Variants in DLG2 observed in about 807,000 individuals in gnomAD.
DLG2 encodes disks large homolog 2.
DLG2 carries 45 observed loss-of-function variants against 132.5 expected under a neutral mutation model. The ratio of observed to expected loss-of-function variants is 0.34; its 90% CI spans 0.27 to 0.44. The LOEUF is 0.44. Among genes scored for constraint, DLG2 ranks in the 20% least tolerant of loss-of-function variants. The pLI, the probability that DLG2 is intolerant of heterozygous loss-of-function variation, is 1.00. For missense variants in DLG2, 1,045 were observed against 1,196.9 expected, an observed-to-expected ratio of 0.87 and a Z score of 1.87; for synonymous variants, 424 against 419.6, an observed-to-expected ratio of 1.01 and a Z score of -0.13.
chr11:84,854,166 C>T (rs943031086), intron 6 of DLG2, among the ~76,000 whole-genome samples: 7 of 151,966 alleles, frequency 4.6e-5, no homozygotes, highest in Admixed American at 1.3e-4. Context: ...AACAACCATC[C>T]ACAAACAATG....
At chr11:84,880,746 G>A (rs1378479854) in intron 6 of DLG2, among the ~76,000 whole-genome samples, 1 of 152,112 alleles carries the variant, frequency 6.6e-6, no homozygotes, top group Non-Finnish European at 1.5e-5. Flanking sequence ...ATAGTCAACT[G>A]TGTTCAGAAT....
intron 8 of DLG2, among the ~76,000 whole-genome samples, chr11:84,220,783 T>TC (rs1462824980): frequency 7.6e-6 from 1 of 132,436 alleles, no homozygotes; most frequent in African/African-American, 2.8e-5. Flanking sequence ...TTCTTTTCTT[T>TC]TTTTTTTTTT....
intron 18 of DLG2, among the ~76,000 whole-genome samples, chr11:83,665,861 T>C (rs768085579): frequency 3.3e-5 from 5 of 152,140 alleles, no homozygotes; most frequent in Non-Finnish European, 7.3e-5. Flanking sequence ...CTATCAGCTG[T>C]AGCAGTTAGG....
chr11:84,193,498 A>G (rs967710664), intron 8 of DLG2, among the ~76,000 whole-genome samples: 3 of 152,208 alleles, frequency 2.0e-5, no homozygotes, highest in African/African-American at 7.2e-5. Flanking sequence ...TAAATAATGG[A>G]GAAGTGTTCA....
At chr11:85,417,344 G>A (rs1213257406) in intron 3 of DLG2, among the ~76,000 whole-genome samples, 2 of 152,162 alleles carry the variant, frequency 1.3e-5, no homozygotes, top group Non-Finnish European at 2.9e-5. Context: ...GATTTGGTTT[G>A]CCAGTATTTT....
At chr11:83,569,834 C>A (rs893455458) in intron 19 of DLG2, among the ~76,000 whole-genome samples, 1 of 152,204 alleles carries the variant, frequency 6.6e-6, no homozygotes, top group Non-Finnish European at 1.5e-5. Context: ...AGAGACTCAG[C>A]AAGCCAGTCA....
chr11:83,549,711 AT>A (rs2096339254), intron 19 of DLG2, among the ~76,000 whole-genome samples: 1 of 152,142 alleles, frequency 6.6e-6, no homozygotes, highest in African/African-American at 2.4e-5. Flanking sequence ...ACAATTTTCT[AT>A]TTGTATTATC....
At chr11:83,712,164 C>T (rs1425883584) in intron 18 of DLG2, among the ~76,000 whole-genome samples, 5 of 152,104 alleles carry the variant, frequency 3.3e-5, no homozygotes, top group Non-Finnish European at 5.9e-5. Flanking sequence ...ATTGGGTATA[C>T]ACCTAAAGGA....
Position 85,512,295 on chromosome 11 carries a change from C to A in DLG2, c.40+86362G>T, listed in dbSNP as rs560312567. ...TAAGGGGTTCTCATCATTCCTTTAG[C>A]AAAGATGTAGATAGAACACAATGGA... On this transcript the variant is annotated intron_variant, in intron 3 of 27. Coordinates refer to ENST00000376104, the MANE Select transcript of DLG2 (RefSeq NM_001142699.3). 6.6e-5 allele frequency among the ~76,000 whole-genome samples: 10 copies of A among 152,148 alleles called. No individual in the cohort carries two copies. In the South Asian group the frequency reaches 1.5e-3, roughly 22 times the overall value.
intron 15 of DLG2, among the ~76,000 whole-genome samples, chr11:83,892,699 T>A (rs1229553903): frequency 1.4e-5 from 2 of 147,096 alleles, no homozygotes; most frequent in Admixed American, 6.8e-5. Flanking sequence ...TGCAAAGAAT[T>A]AAAAAAAAAA....
chr11:84,827,338 G>A (rs985893120), intron 6 of DLG2, among the ~76,000 whole-genome samples: 1 of 151,384 alleles, frequency 6.6e-6, no homozygotes, highest in African/African-American at 2.4e-5. Flanking sequence ...CTAGAAGACA[G>A]CTCAGAAACC....
intron 6 of DLG2, among the ~76,000 whole-genome samples, chr11:84,542,855 G>A (rs1489366903): frequency 6.6e-6 from 1 of 152,152 alleles, no homozygotes; most frequent in Non-Finnish European, 1.5e-5. Flanking sequence ...TCTAGGCCCT[G>A]CCAGCCACCT....
intron 6 of DLG2, among the ~76,000 whole-genome samples, chr11:85,097,084 G>A (rs921516221): frequency 2.0e-5 from 3 of 152,136 alleles, no homozygotes; most frequent in Non-Finnish European, 2.9e-5. Context: ...TCTATTCTGA[G>A]CCTTGCCTCC....
intron 22 of DLG2, 111 bp downstream of exon 22, chr11:83,484,018 C>T: frequency 1.2e-6 from 1 of 828,398 alleles, no homozygotes; most frequent in Admixed American, 2.0e-5. Flanking sequence ...TGCCTGCCTG[C>T]TGTGTTGTTT....
At chr11:85,510,584 A>G (rs1188081910) in intron 3 of DLG2, among the ~76,000 whole-genome samples, 1 of 152,172 alleles carries the variant, frequency 6.6e-6, no homozygotes, top group African/African-American at 2.4e-5. Flanking sequence ...ACACTTCTCA[A>G]AAGAAGACAT....
chr11:83,506,717 G>A (rs12574886), intron 21 of DLG2, among the ~76,000 whole-genome samples: 40 of 152,222 alleles, frequency 2.6e-4, no homozygotes, highest in Non-Finnish European at 5.3e-4. Context: ...GGCAAAAAAA[G>A]GTTCATCAGA....
chr11:84,521,586 A>G (rs1349084571), intron 7 of DLG2, among the ~76,000 whole-genome samples: 1 of 152,204 alleles, frequency 6.6e-6, no homozygotes, highest in Non-Finnish European at 1.5e-5. Flanking sequence ...TAAGGAATTT[A>G]TTGCTGAACT....
intron 3 of DLG2, among the ~76,000 whole-genome samples, chr11:85,525,275 C>G (rs2074658401): frequency 6.6e-6 from 1 of 152,028 alleles, no homozygotes; most frequent in Non-Finnish European, 1.5e-5. Context: ...AGAGAACTTC[C>G]TGAATGTAAT....
intron 21 of DLG2, among the ~76,000 whole-genome samples, chr11:83,521,821 A>G (rs2095487550): frequency 6.6e-6 from 1 of 151,904 alleles, no homozygotes; most frequent in South Asian, 2.1e-4. Flanking sequence ...TTCTCCCCTG[A>G]GTCATCCCAC....
Sources: gnomAD v4.1 joint callset for allele counts (sites outside exome capture counted in the v4.1 genomes callset) on GRCh38, gnomAD v4.1.1 for gene constraint, MANE v1.5 for transcripts, NCBI Gene and HGNC (gene_info 2026-07-23, HGNC 2026-07-21) for gene names.